SHOC1: variants seen among roughly 807,000 people sequenced by gnomAD.
SHOC1 encodes protein shortage in chiasmata 1 ortholog.
SHOC1 carries 136 observed loss-of-function variants against 179.2 expected under a neutral mutation model. That is an observed-to-expected ratio of 0.76 (90% CI 0.66 to 0.87). SHOC1 has a LOEUF of 0.87. SHOC1 is among the 40% of genes least tolerant of loss of function. SHOC1 has a pLI of 0.00. For missense variants in SHOC1, 1,538 were observed against 1,700.8 expected (o/e 0.90, Z 1.68); for synonymous variants, 489 against 586.6 (o/e 0.83, Z 2.41).
At chr9:111,737,906 G>C in intron 12 of SHOC1, 1 of 240,394 alleles carries the variant, frequency 4.2e-6, no homozygotes, top group South Asian at 1.4e-4. Flanking sequence ...CTAATGTTCA[G>C]CTGTTAGGTC....
At chr9:111,695,677 C>G (rs1831656207) in intron 24 of SHOC1, among the ~76,000 whole-genome samples, 1 of 152,116 alleles carries the variant, frequency 6.6e-6, no homozygotes, top group African/African-American at 2.4e-5. Flanking sequence ...TTTTCTATTT[C>G]AGAAAAATCA....
chr9:111,763,385 T>C (rs1389699298), intron 5 of SHOC1, among the ~76,000 whole-genome samples: 1 of 152,008 alleles, frequency 6.6e-6, no homozygotes, highest in Admixed American at 6.6e-5. Flanking sequence ...CATTGTGAAA[T>C]TTCATAACAC....
chr9:111,725,284 T>C (rs1450891396), intron 13 of SHOC1, among the ~76,000 whole-genome samples: 3 of 152,156 alleles, frequency 2.0e-5, no homozygotes, highest in Non-Finnish European at 4.4e-5. Context: ...CTGAGTTAAG[T>C]GTAAAATAAG....
chr9:111,754,609 A>G (rs770959958), intron 8 of SHOC1, among the ~76,000 whole-genome samples: 5 of 152,334 alleles, frequency 3.3e-5, no homozygotes, highest in Non-Finnish European at 7.4e-5. Context: ...ACTCCTAGGT[A>G]TATATCCAAG....
chr9:111,781,840 C>G (rs901887773), intron 3 of SHOC1, among the ~76,000 whole-genome samples: 3 of 152,080 alleles, frequency 2.0e-5, no homozygotes, highest in Admixed American at 6.5e-5. Flanking sequence ...TCAGAATATA[C>G]AACTGAGTAT....
intron 5 of SHOC1, among the ~76,000 whole-genome samples, chr9:111,770,172 C>G (rs1004717031): frequency 6.6e-6 from 1 of 151,694 alleles, no homozygotes; most frequent in African/African-American, 2.4e-5. Flanking sequence ...ATAAACTTCC[C>G]TCTTGGTACT....
At position 111,686,591 on chromosome 9, in the gene SHOC1, A is replaced by G; in HGVS notation, c.*179T>C. 1 of 481,432 alleles carries G rather than the reference A, an allele frequency of 2.1e-6. No individual in the cohort carries two copies. Among genetic ancestry groups the G allele is most frequent in the Non-Finnish European group, 3.7e-6 (1 of 267,606 alleles). 29.8% of individuals were successfully genotyped at this position (481,432 alleles called of 1,614,324 possible). A position where few individuals can be genotyped will look rare whatever the true frequency, so the allele number is the denominator to read the frequency against. On this transcript the variant is annotated 3_prime_UTR_variant, in exon 28 of 28. Transcript: ENST00000682961. ...GCTAATTGATAAATTAGAATATTTA[A>G]CTTACAAAGATGCAAACCATAGGGC... is the stretch of plus-strand genomic sequence containing the variant.
intron 8 of SHOC1, among the ~76,000 whole-genome samples, chr9:111,750,590 C>T (rs1834530926): frequency 6.6e-6 from 1 of 152,214 alleles, no homozygotes; most frequent in Admixed American, 6.5e-5. Context: ...CCACCTTGGC[C>T]TCCCAAAGTG....
rs376662629 is a variant in SHOC1, at chr9:111,687,828, AT to A, written c.4427-959del. On this transcript the variant is annotated intron_variant, in intron 27 of 27. Coordinates refer to ENST00000682961, the MANE Select transcript of SHOC1 (RefSeq NM_001378211.1). ...CTGTGGCTTTTTTTCACTTGGGCTA[AT>A]TTTCTTCTCATGAACATACACCCTT... is the stretch of plus-strand genomic sequence containing the variant. 3.1e-3 allele frequency among the ~76,000 whole-genome samples: 452 copies of A among 148,168 alleles called. 2 individuals carry two copies. Among genetic ancestry groups the A allele is most frequent in the African/African-American group, 0.01 (417 of 40,114 alleles).
At chr9:111,787,597 G>C (rs544526110) in intron 2 of SHOC1, among the ~76,000 whole-genome samples, 1 of 152,310 alleles carries the variant, frequency 6.6e-6, no homozygotes, top group Non-Finnish European at 1.5e-5. Context: ...GCTTCTTATG[G>C]ATGAGCAAAG....
In SHOC1 at chr9:111,794,931, C is replaced by G. The variant is rs1836572965; in HGVS notation, c.-68G>C. On this transcript the variant is annotated 5_prime_UTR_variant, in exon 1 of 28. Transcript: ENST00000682961. ...TAAAAATCGCCTCCTGCATCTCTTC[C>G]TGGGGTAAAATTCCCGCCCGCTGGA... 1.3e-5 allele frequency: 2 copies of G among 152,882 alleles called. No individual in the cohort carries two copies. Among genetic ancestry groups the G allele is most frequent in the Admixed American group, 1.3e-4 (2 of 15,292 alleles). The allele number at this position is 152,882 out of a possible 1,614,324, so 9.5% of individuals were successfully genotyped here.
chr9:111,729,412 G>C (rs944099603), intron 12 of SHOC1, among the ~76,000 whole-genome samples: 15 of 152,198 alleles, frequency 9.9e-5, no homozygotes, highest in African/African-American at 3.6e-4. Flanking sequence ...CGGCTAGGGG[G>C]TCTTGTCTCA....
intron 27 of SHOC1, among the ~76,000 whole-genome samples, chr9:111,687,580 G>T (rs1831234058): frequency 6.6e-6 from 1 of 152,014 alleles, no homozygotes; most frequent in Admixed American, 6.6e-5. Context: ...CCTCAGGCCG[G>T]GCTTCCTAAT....
chr9:111,708,571 T>C (rs1396945376), intron 18 of SHOC1, among the ~76,000 whole-genome samples: 1 of 152,168 alleles, frequency 6.6e-6, no homozygotes, highest in Non-Finnish European at 1.5e-5. Flanking sequence ...TTTTGCTAAA[T>C]ATCAGGGTGG....
At chr9:111,777,910 A>G (rs1232679978) in intron 4 of SHOC1, among the ~76,000 whole-genome samples, 1 of 152,216 alleles carries the variant, frequency 6.6e-6, no homozygotes, top group African/African-American at 2.4e-5. Flanking sequence ...AAAGTAGAAG[A>G]AAAAATATTT....
chr9:111,782,419 T>G (rs949915750), intron 3 of SHOC1, among the ~76,000 whole-genome samples: 17 of 152,168 alleles, frequency 1.1e-4, no homozygotes, highest in Admixed American at 2.6e-4. Context: ...TAATGTGGCA[T>G]GCAAACTGCT....
At chr9:111,752,705 A>C (rs1323195107) in intron 8 of SHOC1, among the ~76,000 whole-genome samples, 1 of 152,230 alleles carries the variant, frequency 6.6e-6, no homozygotes, top group African/African-American at 2.4e-5. Context: ...ATGTAAAGAA[A>C]AATATGGTTG....
chr9:111,744,470 G>T (rs1834178393), intron 10 of SHOC1, among the ~76,000 whole-genome samples: 1 of 152,130 alleles, frequency 6.6e-6, no homozygotes, highest in Non-Finnish European at 1.5e-5. Context: ...TCAGTCTTAT[G>T]CTTTGACACT....
chr9:111,729,247 G>A (rs1041829503), intron 12 of SHOC1, among the ~76,000 whole-genome samples: 2 of 103,418 alleles, frequency 1.9e-5, no homozygotes, highest in Non-Finnish European at 4.6e-5. Flanking sequence ...GACTACAGGT[G>A]CGTACCACCA....
Sources: gnomAD v4.1 joint callset for allele counts (sites outside exome capture counted in the v4.1 genomes callset) on GRCh38, gnomAD v4.1.1 for gene constraint, MANE v1.5 for transcripts, NCBI Gene and HGNC (gene_info 2026-07-23, HGNC 2026-07-21) for gene names.